The following CAMK2D variants were observed in gnomAD, a reference collection of about 807,000 sequenced individuals.
CAMK2D encodes the protein calcium/calmodulin-dependent protein kinase type II subunit delta.
In CAMK2D, 37 loss-of-function variants were observed where a neutral mutation model predicts 84.0. The ratio of observed to expected loss-of-function variants is 0.44; its 90% CI spans 0.34 to 0.58. The LOEUF (loss-of-function observed/expected upper bound fraction) is 0.58, where lower values mean the gene tolerates loss of function less well. CAMK2D is among the 20% of genes least tolerant of loss of function. The pLI is 0.02. For synonymous variants in CAMK2D, 202 were observed against 212.5 expected, an observed-to-expected ratio of 0.95 and a Z score of 0.43; for missense variants, 448 against 652.5, an observed-to-expected ratio of 0.69 and a Z score of 3.41.
intron 2 of CAMK2D, among the ~76,000 whole-genome samples, chr4:113,704,885 TA>T (rs1316368381): frequency 6.6e-5 from 10 of 151,694 alleles, no homozygotes; most frequent in Admixed American, 5.3e-4. Context: ...GCTGCCTGAA[TA>T]AAGTAAGAAT....
intron 4 of CAMK2D, among the ~76,000 whole-genome samples, chr4:113,604,121 G>A (rs536395427): frequency 2.5e-4 from 38 of 152,062 alleles, no homozygotes; most frequent in South Asian, 1.2e-3. Context: ...GCACCACACT[G>A]CCAAAACTAT....
At chr4:113,481,794 A>G (rs1025827427) in intron 16 of CAMK2D, among the ~76,000 whole-genome samples, 1 of 152,232 alleles carries the variant, frequency 6.6e-6, no homozygotes, top group Non-Finnish European at 1.5e-5. Context: ...GATGTAATTT[A>G]AAATAAGGTA....
intron 2 of CAMK2D, among the ~76,000 whole-genome samples, chr4:113,668,073 ATG>A (rs2099264552): frequency 6.6e-6 from 1 of 152,140 alleles, no homozygotes; most frequent in South Asian, 2.1e-4. Flanking sequence ...TTGATTCTAT[ATG>A]GCCTGGAAAC....
At chr4:113,650,743 T>G (rs2099169391) in intron 3 of CAMK2D, among the ~76,000 whole-genome samples, 1 of 152,114 alleles carries the variant, frequency 6.6e-6, no homozygotes, top group Non-Finnish European at 1.5e-5. Flanking sequence ...CCAACACAAA[T>G]TCATGTGAAT....
At chr4:113,620,545 G>A (rs1351090162) in intron 3 of CAMK2D, among the ~76,000 whole-genome samples, 1 of 144,630 alleles carries the variant, frequency 6.9e-6, no homozygotes, top group Admixed American at 7.0e-5. Flanking sequence ...GTCTCACTCT[G>A]TCACCAGGCT....
intron 3 of CAMK2D, among the ~76,000 whole-genome samples, chr4:113,620,133 G>A (rs2099039360): frequency 6.6e-6 from 1 of 152,106 alleles, no homozygotes; most frequent in African/African-American, 2.4e-5. Flanking sequence ...TGGAGGTAGG[G>A]GATATTGAAG....
At chr4:113,603,773 T>TTTTATATATATA (rs1447833124) in intron 4 of CAMK2D, among the ~76,000 whole-genome samples, 1 of 127,994 alleles carries the variant, frequency 7.8e-6, no homozygotes, top group African/African-American at 3.3e-5. Flanking sequence ...TCTTGCTATT[T>TTTTATATATATA]TATATATATA....
At chr4:113,721,857 A>G (rs1235939750) in intron 2 of CAMK2D, among the ~76,000 whole-genome samples, 2 of 152,152 alleles carry the variant, frequency 1.3e-5, no homozygotes, top group African/African-American at 4.8e-5. Context: ...CAAACATTGT[A>G]ACAAATGTTA....
chr4:113,668,950 GTATAA>G (rs1239408958), intron 2 of CAMK2D, among the ~76,000 whole-genome samples: 1 of 152,060 alleles, frequency 6.6e-6, no homozygotes, highest in African/African-American at 2.4e-5. Context: ...GGGAGCTGCT[GTATAA>G]TATATTTATT....
At chr4:113,562,404 ATCAT>A (rs1208106891) in intron 4 of CAMK2D, among the ~76,000 whole-genome samples, 3 of 152,238 alleles carry the variant, frequency 2.0e-5, no homozygotes, top group African/African-American at 7.2e-5. Flanking sequence ...GTAAGTCTAG[ATCAT>A]TCAAATTATT....
chr4:113,571,142 A>T (rs932612132), intron 4 of CAMK2D, among the ~76,000 whole-genome samples: 1 of 152,210 alleles, frequency 6.6e-6, no homozygotes, highest in African/African-American at 2.4e-5. Context: ...AACACAAAAG[A>T]TAAGTGGTGA....
chr4:113,682,722 T>C (rs931330190), intron 2 of CAMK2D, among the ~76,000 whole-genome samples: 1 of 152,208 alleles, frequency 6.6e-6, no homozygotes, highest in Non-Finnish European at 1.5e-5. Flanking sequence ...AAATTAGGAA[T>C]TGTATCATCT....
At chr4:113,482,822 TATATG>T (rs2097717867) in intron 16 of CAMK2D, among the ~76,000 whole-genome samples, 1 of 152,250 alleles carries the variant, frequency 6.6e-6, no homozygotes, top group Admixed American at 6.5e-5. Flanking sequence ...AGTAGTCACA[TATATG>T]TAATCAGTGG....
At position 113,502,939 on chromosome 4, in the gene CAMK2D, G is replaced by A. The variant is rs970456124; in HGVS notation, c.1083C>T (p.Asn361=). ...GATGTTGATTCTTTCTGAATACCTTGTTTCCATCAGGGTTGTGGATTACAG... is the reference window on the plus strand; with the variant it reads ...GATGTTGATTCTTTCTGAATACCTTATTTCCATCAGGGTTGTGGATTACAG... ...QTTVIHNPDG[N]KESTESSNTT... is the part of the protein sequence containing the mutation. Residue 361 remains asparagine, a synonymous_variant, in exon 15 of 21, where the codon AAC becomes AAT. Coordinates refer to ENST00000511664, the MANE Select transcript of CAMK2D (RefSeq NM_001321571.2). The A allele has an allele frequency of 6.2e-7, 1 of 1,600,876 alleles. No individual in the cohort carries two copies. Among genetic ancestry groups the A allele is most frequent in the Non-Finnish European group, 8.6e-7 (1 of 1,168,076 alleles).
intron 4 of CAMK2D, among the ~76,000 whole-genome samples, chr4:113,577,174 A>C (rs2098787152): frequency 6.6e-6 from 1 of 152,158 alleles, no homozygotes; most frequent in East Asian, 1.9e-4. Context: ...ATTAGATAGC[A>C]TCTTGCTGCC....
intron 2 of CAMK2D, chr4:113,754,908 A>AT (rs2099625038): frequency 1.0e-6 from 1 of 983,432 alleles, no homozygotes; most frequent in South Asian, 4.7e-5. Context: ...TGATTTACTA[A>AT]TTTTTTTCTT....
intron 6 of CAMK2D, among the ~76,000 whole-genome samples, chr4:113,541,131 AGTACATAGGCAG>A (rs2098527276): frequency 6.6e-6 from 1 of 152,244 alleles, no homozygotes; most frequent in Admixed American, 6.5e-5. Flanking sequence ...AATGACTCAA[AGTACATAGGCAG>A]GTTGATGGAA....
intron 16 of CAMK2D, among the ~76,000 whole-genome samples, chr4:113,469,915 A>C (rs2154116788): frequency 6.6e-6 from 1 of 151,916 alleles, no homozygotes; most frequent in African/African-American, 2.4e-5. Context: ...AGCACCCATC[A>C]TTTCTTGTCC....
intron 2 of CAMK2D, among the ~76,000 whole-genome samples, chr4:113,757,994 T>C (rs1172875073): frequency 6.6e-6 from 1 of 152,160 alleles, no homozygotes; most frequent in East Asian, 1.9e-4. Flanking sequence ...AAAGAAATGA[T>C]ACCCCCACCA....
Sources: allele counts gnomAD v4.1 joint callset (sites outside exome capture counted in the v4.1 genomes callset), GRCh38; gene constraint gnomAD v4.1.1; transcripts MANE v1.5; gene names NCBI Gene and HGNC (gene_info 2026-07-23, HGNC 2026-07-21).